The following ITGA9 variants were observed in gnomAD, a reference collection of about 807,000 sequenced individuals.
ITGA9 encodes the protein integrin alpha-9.
Under a neutral mutation model 127.8 loss-of-function variants are expected in ITGA9, and 56 were observed. That is an observed-to-expected ratio of 0.44 (90% confidence interval 0.35 to 0.55). The LOEUF is 0.55. ITGA9 is among the 20% of genes least tolerant of loss of function. The pLI is 0.00. For missense variants in ITGA9, 1,196 were observed against 1,347.1 expected, an observed-to-expected ratio of 0.89 and a Z score of 1.76; for synonymous variants, 508 against 514.5, an observed-to-expected ratio of 0.99 and a Z score of 0.17.
chr3:37,476,119 C>T (rs78807796), intron 3 of ITGA9, among the ~76,000 whole-genome samples: 2,522 of 152,300 alleles, frequency 0.017, 66 homozygotes, highest in African/African-American at 0.057. Flanking sequence ...TTGGTTCTAT[C>T]TCCTGGCTGC....
At chr3:37,705,295 A>T (rs927137753) in intron 18 of ITGA9, among the ~76,000 whole-genome samples, 1 of 152,222 alleles carries the variant, frequency 6.6e-6, no homozygotes, top group African/African-American at 2.4e-5. Flanking sequence ...CCATTTACAC[A>T]TTTCGTCACT....
intron 18 of ITGA9, among the ~76,000 whole-genome samples, chr3:37,709,868 AG>A (rs1430841673): frequency 6.6e-6 from 1 of 152,242 alleles, no homozygotes. Context: ...CTTGCTACTC[AG>A]GAAGCAGAGG....
rs928026755 is a variant in ITGA9, at chr3:37,667,459, G to A, written c.1916+13669G>A. 2.0e-5 allele frequency among the ~76,000 whole-genome samples: 3 copies of A among 152,186 alleles called. No homozygotes were observed. In the South Asian group the frequency reaches 6.2e-4, roughly 31 times the overall value. On this transcript the variant is annotated intron_variant, in intron 17 of 27. Coordinates refer to ENST00000264741, the MANE Select transcript of ITGA9 (RefSeq NM_002207.3). Reference sequence around the variant, plus strand: ...AGGACAGCAGCAAAGGCAGATAAGGGATGTGTCCACAGCACGTCCACAGGC... The same window carrying A: ...AGGACAGCAGCAAAGGCAGATAAGGAATGTGTCCACAGCACGTCCACAGGC...
intron 13 of ITGA9, among the ~76,000 whole-genome samples, chr3:37,533,052 G>C (rs920133533): frequency 3.9e-5 from 6 of 152,140 alleles, no homozygotes; most frequent in Non-Finnish European, 7.4e-5. Context: ...TTCATTTATG[G>C]CTTCAACCAG....
chr3:37,750,324 C>A, intron 22 of ITGA9, 138 bp from the exon 23 acceptor site: 1 of 672,046 alleles, frequency 1.5e-6, no homozygotes. Context: ...CACTTTACTT[C>A]AAGTTGTGAC....
intron 16 of ITGA9, among the ~76,000 whole-genome samples, chr3:37,643,091 C>T (rs1423295821): frequency 6.6e-6 from 1 of 152,192 alleles, no homozygotes; most frequent in Admixed American, 6.5e-5. Flanking sequence ...AGACAGGCTC[C>T]TGAGACCGTG....
chr3:37,796,423 A>G (rs903641896), intron 26 of ITGA9, among the ~76,000 whole-genome samples: 1 of 152,154 alleles, frequency 6.6e-6, no homozygotes, highest in East Asian at 1.9e-4. Flanking sequence ...AATTTCCACA[A>G]TGTCTAGCAC....
In ITGA9 at chr3:37,671,070, A is replaced by G. The variant is rs146845996; in HGVS notation, c.1917-12795A>G. Among the ~76,000 whole-genome samples, 1,455 of 152,384 alleles carry G rather than the reference A, an allele frequency of 9.5e-3. 7 individuals carry two copies. Among genetic ancestry groups the G allele is most frequent in the Non-Finnish European group, 0.015 (1,015 of 68,038 alleles). ...GCGGGCCCTTGCCGGGTCAAGTCAT[A>G]CATCGCTGCACACCGGGGCTGTCTT... is the stretch of plus-strand genomic sequence containing the variant. On this transcript the variant is annotated intron_variant, in intron 17 of 27. Transcript: ENST00000264741.
At chr3:37,679,761 A>G (rs957752311) in intron 17 of ITGA9, among the ~76,000 whole-genome samples, 1 of 152,194 alleles carries the variant, frequency 6.6e-6, no homozygotes, top group Non-Finnish European at 1.5e-5. Context: ...AATCTTTCTG[A>G]TATTCAAGGA....
chr3:37,559,387 G>C (rs1381905870), intron 15 of ITGA9, among the ~76,000 whole-genome samples: 1 of 152,164 alleles, frequency 6.6e-6, no homozygotes, highest in East Asian at 1.9e-4. Flanking sequence ...TGAAAGGGCA[G>C]GGGTCAGATA....
intron 17 of ITGA9, among the ~76,000 whole-genome samples, chr3:37,671,874 A>C (rs925056420): frequency 5.3e-5 from 8 of 152,254 alleles, no homozygotes; most frequent in African/African-American, 1.9e-4. Flanking sequence ...AAGTTAAAAC[A>C]TGTATACATA....
intron 18 of ITGA9, among the ~76,000 whole-genome samples, chr3:37,707,204 T>A (rs1187896613): frequency 1.5e-5 from 1 of 68,884 alleles, no homozygotes; most frequent in Non-Finnish European, 2.6e-5. Context: ...TTTTAAAAAA[T>A]TTCTTAAGAG....
At chr3:37,727,830 G>A (rs1225497215) in intron 18 of ITGA9, among the ~76,000 whole-genome samples, 1 of 152,160 alleles carries the variant, frequency 6.6e-6, no homozygotes, top group African/African-American at 2.4e-5. Flanking sequence ...GCATCTTAAA[G>A]TAGTATCCAG....
At chr3:37,605,410 G>T (rs749469422) in intron 15 of ITGA9, among the ~76,000 whole-genome samples, 7 of 152,142 alleles carry the variant, frequency 4.6e-5, no homozygotes. Context: ...CTTGTTTGGA[G>T]AATGGACAGG....
In ITGA9 at chr3:37,779,064, AC is replaced by A. The variant is rs1252687802; in HGVS notation, c.2668-837del. Among the ~76,000 whole-genome samples the A allele has an allele frequency of 3.9e-5, 6 of 151,946 alleles. No homozygotes were observed. In the South Asian group the frequency reaches 1.2e-3, roughly 32 times the overall value. On this transcript the variant is annotated intron_variant, in intron 24 of 27. Transcript: ENST00000264741. ...TGGAACCTATCATATAAAAAAGAAA[AC>A]TTTTGTAACTTAAATTTGGGATTTA...
intron 15 of ITGA9, among the ~76,000 whole-genome samples, chr3:37,548,380 A>G (rs1699348052): frequency 6.6e-6 from 1 of 152,204 alleles, no homozygotes; most frequent in South Asian, 2.1e-4. Flanking sequence ...TCGTGGTTGT[A>G]GCGGTTGTAT....
In ITGA9 at chr3:37,803,706, A is replaced by G. The variant is rs890865618; in HGVS notation, c.2890-117A>G. On this transcript the variant is annotated intron_variant, in intron 26 of 27. Coordinates refer to ENST00000264741, the MANE Select transcript of ITGA9 (RefSeq NM_002207.3). The stretch of plus-strand genomic sequence containing the variant: ...GGAGAATCGCTTGAACCCAGGAGGT[A>G]GAGGTTGCAGTGAGCCGAGATTGTG... The G allele has an allele frequency of 6.4e-5, 72 of 1,128,274 alleles. 1 individual carries two copies. Among genetic ancestry groups the G allele is most frequent in the Non-Finnish European group, 9.1e-5 (70 of 770,366 alleles). 69.9% of individuals were successfully genotyped at this position (1,128,274 alleles called of 1,614,324 possible).
chr3:37,546,557 C>T (rs1331880635), intron 15 of ITGA9, among the ~76,000 whole-genome samples: 1 of 152,222 alleles, frequency 6.6e-6, no homozygotes, highest in African/African-American at 2.4e-5. Context: ...TTTGGACATC[C>T]TCAGTGGCAG....
At chr3:37,716,052 C>T (rs1043067921) in intron 18 of ITGA9, among the ~76,000 whole-genome samples, 3 of 152,174 alleles carry the variant, frequency 2.0e-5, no homozygotes, top group Non-Finnish European at 4.4e-5. Context: ...ACTTTGGCAC[C>T]GTCTAAAGTA....
Sources: allele counts gnomAD v4.1 joint callset (sites outside exome capture counted in the v4.1 genomes callset), GRCh38; gene constraint gnomAD v4.1.1; transcripts MANE v1.5; gene names NCBI Gene and HGNC (gene_info 2026-07-23, HGNC 2026-07-21).